Variants in C1QTNF3 observed in about 807,000 individuals in gnomAD.
The protein encoded by C1QTNF3 is C1q and TNF related 3, also known as complement C1q tumor necrosis factor-related protein 3.
Under a neutral mutation model 32.6 loss-of-function variants are expected in C1QTNF3, and 26 were observed. The observed-to-expected ratio is 0.80, with a 90% CI of 0.58 to 1.11. The LOEUF is 1.11. Among genes scored for constraint, C1QTNF3 ranks in the 50% least tolerant of loss-of-function variants. C1QTNF3 has a pLI of 0.00. For missense variants in C1QTNF3, 362 were observed against 398.2 expected (o/e 0.91, Z 0.77); for synonymous variants, 155 against 146.0 (o/e 1.06, Z -0.44).
the C1QTNF3 span, among the ~76,000 whole-genome samples, chr5:34,172,716 C>A: frequency 6.6e-6 from 1 of 152,146 alleles, no homozygotes; most frequent in Admixed American, 6.6e-5. Flanking sequence ...TGAATGATAT[C>A]ATGTATATTA....
rs1754295890 is a variant in C1QTNF3, at chr5:34,020,433, T to G, written c.*150A>C. Reference sequence around the variant, plus strand: ...TTCTGAGCCCCTGAATTGTCCAACATTATTGGTGTACCTGTAGCGTGAACA... The same window carrying G: ...TTCTGAGCCCCTGAATTGTCCAACAGTATTGGTGTACCTGTAGCGTGAACA... On this transcript the variant is annotated 3_prime_UTR_variant, in exon 6 of 6. Transcript: ENST00000382065. 1.1e-6 allele frequency: 1 copy of G among 915,112 alleles called. No homozygotes were observed. Among genetic ancestry groups the G allele is most frequent in the African/African-American group, 1.7e-5 (1 of 60,276 alleles). The allele number at this position is 915,112 out of a possible 1,614,324, so 56.7% of individuals were successfully genotyped here. A position where few individuals can be genotyped will look rare whatever the true frequency, so the allele number is the denominator to read the frequency against.
the C1QTNF3 span, chr5:34,168,620 T>C: frequency 2.0e-5 from 3 of 151,924 alleles, no homozygotes; most frequent in Admixed American, 2.0e-4. Flanking sequence ...CACCTCACTA[T>C]GCTTTGTCAT....
the C1QTNF3 span, among the ~76,000 whole-genome samples, chr5:34,232,788 T>G: frequency 1.3e-5 from 2 of 152,328 alleles, no homozygotes; most frequent in African/African-American, 4.8e-5. Flanking sequence ...TATATCATTG[T>G]GAAAATTCAC....
At chr5:34,219,501 C>T in the C1QTNF3 span, among the ~76,000 whole-genome samples, 235 of 151,024 alleles carry the variant, frequency 1.6e-3, 2 homozygotes, top group African/African-American at 5.2e-3. Flanking sequence ...CCTGTATCTA[C>T]GTGCTGCACA....
At chr5:34,141,617 T>C in the C1QTNF3 span, among the ~76,000 whole-genome samples, 1 of 152,150 alleles carries the variant, frequency 6.6e-6, no homozygotes, top group East Asian at 1.9e-4. Flanking sequence ...ATTACCCTGA[T>C]GAGGAGTCAG....
At chr5:34,114,233 C>T in the C1QTNF3 span, among the ~76,000 whole-genome samples, 1 of 152,146 alleles carries the variant, frequency 6.6e-6, no homozygotes, top group East Asian at 1.9e-4. Flanking sequence ...GTCAGTGAGT[C>T]ATCAACTATT....
chr5:34,043,389 T>C (rs1754923717), upstream of C1QTNF3: 1 of 478,716 alleles, frequency 2.1e-6, no homozygotes, highest in South Asian at 2.9e-5. Context: ...AATTCATAAA[T>C]GTCACACCTT....
chr5:34,074,177 A>G, the C1QTNF3 span, among the ~76,000 whole-genome samples: 4 of 152,042 alleles, frequency 2.6e-5, no homozygotes, highest in African/African-American at 4.8e-5. Flanking sequence ...GAGGTGCAGA[A>G]ATCAATAAAT....
chr5:34,196,501 A>C, the C1QTNF3 span, among the ~76,000 whole-genome samples: 2 of 152,292 alleles, frequency 1.3e-5, no homozygotes, highest in African/African-American at 2.4e-5. Context: ...AAGCAGACTA[A>C]GATACCATCC....
At chr5:34,213,784 TAC>T in the C1QTNF3 span, among the ~76,000 whole-genome samples, 516 of 12,404 alleles carry the variant, frequency 0.042, 10 homozygotes, top group Middle Eastern at 0.14. Context: ...CGTGTATATA[TAC>T]ATATATATAT....
chr5:34,155,649 C>T, the C1QTNF3 span, among the ~76,000 whole-genome samples: 132 of 152,114 alleles, frequency 8.7e-4, 1 homozygote, highest in South Asian at 0.015. Context: ...TTGGAAGAGA[C>T]AAAGAGATTT....
the C1QTNF3 span, among the ~76,000 whole-genome samples, chr5:34,080,709 C>T: frequency 1.3e-5 from 2 of 151,642 alleles, no homozygotes; most frequent in Non-Finnish European, 2.9e-5. Context: ...TTAGAATATG[C>T]TTTCATATAT....
chr5:34,114,231 G>C, the C1QTNF3 span, among the ~76,000 whole-genome samples: 272 of 152,252 alleles, frequency 1.8e-3, 1 homozygote, highest in African/African-American at 6.3e-3. Flanking sequence ...GGGTCAGTGA[G>C]TCATCAACTA....
chr5:34,131,191 T>C, the C1QTNF3 span, among the ~76,000 whole-genome samples: 1 of 152,172 alleles, frequency 6.6e-6, no homozygotes, highest in Admixed American at 6.5e-5. Context: ...GGCTCCCTTA[T>C]GGAATCATGA....
chr5:34,024,311 G>A (rs1057495458), intron 4 of C1QTNF3: 10 of 275,236 alleles, frequency 3.6e-5, no homozygotes, highest in Middle Eastern at 1.3e-3. Context: ...CAAAGTAGGC[G>A]TTGTTCCTGG....
chr5:34,116,323 A>G, the C1QTNF3 span, among the ~76,000 whole-genome samples: 1 of 152,154 alleles, frequency 6.6e-6, no homozygotes, highest in Non-Finnish European at 1.5e-5. Flanking sequence ...TGCTAAATAG[A>G]GTGTCCTATA....
At chr5:34,046,815 G>A (rs1191282157), upstream of C1QTNF3, among the ~76,000 whole-genome samples, 12 of 152,116 alleles carry the variant, frequency 7.9e-5, no homozygotes, top group Admixed American at 7.2e-4. Flanking sequence ...TCTTGTACAC[G>A]CAGAGATGAC....
the C1QTNF3 span, among the ~76,000 whole-genome samples, chr5:34,083,621 GA>G: frequency 6.6e-6 from 1 of 151,522 alleles, no homozygotes. Context: ...TCAACTACAT[GA>G]ATGTACAAAA....
At chr5:34,060,591 G>C in the C1QTNF3 span, among the ~76,000 whole-genome samples, 1 of 152,184 alleles carries the variant, frequency 6.6e-6, no homozygotes, top group Non-Finnish European at 1.5e-5. Flanking sequence ...AGTTCCACCT[G>C]GCTGGGGAGG....
Sources: allele counts gnomAD v4.1 joint callset (sites outside exome capture counted in the v4.1 genomes callset), GRCh38; gene constraint gnomAD v4.1.1; transcripts MANE v1.5; gene names NCBI Gene and HGNC (gene_info 2026-07-23, HGNC 2026-07-21).